AKAP3: variants seen among roughly 807,000 people sequenced by gnomAD.
The protein encoded by AKAP3 is A-kinase anchoring protein 3.
Under a neutral mutation model 57.2 loss-of-function variants are expected in AKAP3, and 27 were observed. That is an observed-to-expected ratio of 0.47 (90% CI 0.35 to 0.65). The LOEUF (loss-of-function observed/expected upper bound fraction) is 0.65. AKAP3 is among the 30% of genes least tolerant of loss of function. The pLI, the probability that AKAP3 is intolerant of heterozygous loss-of-function variation, is 0.01. For missense variants in AKAP3, 959 were observed against 1,040.0 expected (o/e 0.92, Z 1.07); for synonymous variants, 334 against 392.3 (o/e 0.85, Z 1.76).
At chr12:4,624,610 T>C (rs1221379913) in intron 5 of AKAP3, among the ~76,000 whole-genome samples, 1 of 152,162 alleles carries the variant, frequency 6.6e-6, no homozygotes, top group Non-Finnish European at 1.5e-5. Flanking sequence ...ATGAGAATAT[T>C]TGCATACATT....
chr12:4,637,958 T>C, intron 4 of AKAP3, 143 bp downstream of exon 4: 1 of 734,352 alleles, frequency 1.4e-6, no homozygotes, highest in East Asian at 2.5e-5. Flanking sequence ...AATGTTTTGT[T>C]CTATAAGGGC....
At chr12:4,629,697 A>AT (rs2137435884) in intron 4 of AKAP3, among the ~76,000 whole-genome samples, 1 of 152,162 alleles carries the variant, frequency 6.6e-6, no homozygotes, top group South Asian at 2.1e-4. Context: ...ACTGAATCAG[A>AT]TTTTTTCTTG....
At chr12:4,619,276 C>T (rs11063262) in intron 5 of AKAP3, among the ~76,000 whole-genome samples, 1,957 of 152,232 alleles carry the variant, frequency 0.013, 25 homozygotes, top group African/African-American at 0.037. Context: ...TACACTTAAC[C>T]GGTCAGGCAT....
intron 3 of AKAP3, among the ~76,000 whole-genome samples, chr12:4,641,634 G>C (rs4766267): frequency 6.6e-6 from 1 of 152,000 alleles, no homozygotes; most frequent in African/African-American, 2.4e-5. Flanking sequence ...TGCTTGCATC[G>C]TTACTATAAA....
rs1253018272 is a variant in AKAP3, at chr12:4,627,267, C to T, written c.1635G>A (p.Arg545=). 6.2e-7 allele frequency: 1 copy of T among 1,614,044 alleles called. No homozygotes were observed. Among genetic ancestry groups the T allele is most frequent in the Non-Finnish European group, 8.5e-7 (1 of 1,180,002 alleles). ...IQYHLAQGGR[R]DARSFVEAAG... ...CAGCTTCAACGAAGCTCCGTGCATC[C>T]CTTCTTCCTCCCTGGGCCAGGTGAT... Residue 545 remains arginine (R), a synonymous_variant, in exon 5 of 6, where the codon AGG becomes AGA. Coordinates refer to ENST00000228850, the MANE Select transcript of AKAP3 (RefSeq NM_001278309.2).
chr12:4,635,318 T>C, intron 4 of AKAP3: 1 of 466,718 alleles, frequency 2.1e-6, no homozygotes, highest in Admixed American at 3.4e-5. Context: ...CAGAAGACTA[T>C]TCTAGCTAGT....
In AKAP3 at chr12:4,638,077, GT is replaced by G. The variant is rs778070132; in HGVS notation, c.96+23del. 1.4e-5 allele frequency: 21 copies of G among 1,553,354 alleles called. No homozygotes were observed. The South Asian group carries it at 2.3e-4, about 17-fold the overall frequency. Reference sequence around the variant, plus strand: ...ACAGCCCCCATATTCTTAACCTAGTGTTTATCAAGAGGTTGACCCTTACCAT... The same window carrying G: ...ACAGCCCCCATATTCTTAACCTAGTGTTATCAAGAGGTTGACCCTTACCAT... On this transcript the variant is annotated intron_variant, in intron 4 of 5. Coordinates refer to ENST00000228850, the MANE Select transcript of AKAP3 (RefSeq NM_001278309.2).
At chr12:4,623,628 AAAAT>A (rs1945371077) in intron 5 of AKAP3, among the ~76,000 whole-genome samples, 2 of 151,690 alleles carry the variant, frequency 1.3e-5, no homozygotes, top group South Asian at 4.2e-4. Flanking sequence ...CACTCAGAAA[AAAAT>A]AACTATTGGG....
chr12:4,627,348 A>G lies in AKAP3; in HGVS notation c.1554T>C (p.Tyr518=). The G allele has an allele frequency of 6.2e-7, 1 of 1,614,122 alleles. No homozygotes were observed. The highest frequency in any genetic ancestry group is 8.5e-7 in the Non-Finnish European group (1 of 1,180,022). ...YPPEKPENFM[Y]DSDSWAEDLI... ...GGTCCTCGGCCCAGGAGTCTGAATC[A>G]TACATAAAATTCTCAGGTTTCTCTG... The change falls in exon 5 of 6, where the codon TAT becomes TAC. Residue 518 remains tyrosine, a synonymous_variant. Coordinates refer to ENST00000228850, the MANE Select transcript of AKAP3 (RefSeq NM_001278309.2).
intron 4 of AKAP3, 147 bp downstream of exon 4, chr12:4,637,954 T>C: frequency 1.4e-6 from 1 of 713,452 alleles, no homozygotes; most frequent in Non-Finnish European, 2.4e-6. Context: ...TGGGAATGTT[T>C]TGTTCTATAA....
At chr12:4,626,401 TC>T in intron 5 of AKAP3, 94 bp downstream of exon 5, 1 of 1,395,076 alleles carries the variant, frequency 7.2e-7, no homozygotes. Context: ...TTTTACCTTC[TC>T]TGTGGCTATC....
chr12:4,632,459 C>G (rs769867627), intron 4 of AKAP3, among the ~76,000 whole-genome samples: 1 of 152,012 alleles, frequency 6.6e-6, no homozygotes, highest in Non-Finnish European at 1.5e-5. Context: ...TTTGGGTTAG[C>G]AGTTATGATT....
chr12:4,634,865 A>T (rs2011298), intron 4 of AKAP3, among the ~76,000 whole-genome samples: 37,647 of 152,100 alleles, frequency 0.25, 5,535 homozygotes, highest in South Asian at 0.43. Context: ...ATGTTCATTT[A>T]AAATACTGAT....
chr12:4,643,044 C>T (rs1041949648), intron 2 of AKAP3, among the ~76,000 whole-genome samples: 2 of 152,236 alleles, frequency 1.3e-5, no homozygotes, highest in Admixed American at 6.5e-5. Flanking sequence ...CAGTGATTTA[C>T]TAACAGACCT....
In AKAP3 at chr12:4,627,025, C is replaced by T. The variant is rs1434620256; in HGVS notation, c.1877G>A (p.Arg626Lys). The T allele has an allele frequency of 1.2e-6, 2 of 1,614,014 alleles. No homozygotes were observed. The highest frequency in any genetic ancestry group is 1.7e-5 in the Admixed American group (1 of 60,006). Reference sequence around the variant, plus strand: ...CGCCAACGGTCTTTCACACAACTTCCTATCTTCCTTAACTGGCTGTTCCGG... The same window carrying T: ...CGCCAACGGTCTTTCACACAACTTCTTATCTTCCTTAACTGGCTGTTCCGG... ...KVPEQPVKED[R>K]KLCERPLASS... Residue 626 changes from arginine to lysine, a missense_variant, in exon 5 of 6, where the codon AGG becomes AAG. Coordinates refer to ENST00000228850, the MANE Select transcript of AKAP3 (RefSeq NM_001278309.2).
intron 1 of AKAP3, among the ~76,000 whole-genome samples, chr12:4,646,869 G>C (rs1302041077): frequency 6.6e-6 from 1 of 151,758 alleles, no homozygotes; most frequent in African/African-American, 2.4e-5. Context: ...TGCAACCTCC[G>C]CTTCCCAGGT....
Position 4,625,236 on chromosome 12 carries a change from C to T in AKAP3, c.2406+1260G>A, listed in dbSNP as rs1245419720. Among the ~76,000 whole-genome samples, 4 of 152,164 alleles carry T rather than the reference C, an allele frequency of 2.6e-5. No homozygotes were observed. Among genetic ancestry groups the T allele is most frequent in the African/African-American group, 7.2e-5 (3 of 41,450 alleles). On this transcript the variant is annotated intron_variant, in intron 5 of 5. Coordinates refer to ENST00000228850, the MANE Select transcript of AKAP3 (RefSeq NM_001278309.2). This position sits in a 1 kb window ranked among gnomAD's most constrained non-coding sequence, Gnocchi z 5.4. Reference sequence around the variant, plus strand: ...CTAACTTGAATGTGCACACAACTCACCTGGGTATTTTGCTAAGATGAAGAT... The same window carrying T: ...CTAACTTGAATGTGCACACAACTCATCTGGGTATTTTGCTAAGATGAAGAT...
intron 4 of AKAP3, among the ~76,000 whole-genome samples, chr12:4,633,053 T>C (rs1458893734): frequency 6.6e-6 from 1 of 151,858 alleles, no homozygotes. Flanking sequence ...TATTGAGCTG[T>C]AACAGTACAG....
chr12:4,621,359 A>G (rs1332959383), intron 5 of AKAP3, among the ~76,000 whole-genome samples: 1 of 152,162 alleles, frequency 6.6e-6, no homozygotes, highest in Non-Finnish European at 1.5e-5. Flanking sequence ...AGTGAACAGT[A>G]ATGTCCTAGG....
Sources: gnomAD v4.1 joint callset for allele counts (sites outside exome capture counted in the v4.1 genomes callset) on GRCh38, gnomAD v4.1.1 for gene constraint, Gnocchi (gnomAD v3.1) non-coding constraint, MANE v1.5 for transcripts, NCBI Gene and HGNC (gene_info 2026-07-23, HGNC 2026-07-21) for gene names.